The following RNLS variants were observed in gnomAD, a reference collection of about 807,000 sequenced individuals.
RNLS encodes renalase.
RNLS carries 39 observed loss-of-function variants against 39.8 expected under a neutral mutation model. The observed-to-expected ratio is 0.98, with a 90% CI of 0.76 to 1.28. The LOEUF is 1.28. Among genes scored for constraint, RNLS ranks in the 50% most tolerant of loss-of-function variants. The probability of loss-of-function intolerance (pLI) is 0.00; values close to 1 mark genes in which losing one functional copy is unlikely to be tolerated. For missense variants in RNLS, 410 were observed against 413.3 expected (o/e 0.99, Z 0.07); for synonymous variants, 147 against 150.7 (o/e 0.98, Z 0.18).
At chr10:88,173,023 A>AT in the RNLS span, among the ~76,000 whole-genome samples, 2 of 150,886 alleles carry the variant, frequency 1.3e-5, no homozygotes, top group East Asian at 1.9e-4. Context: ...CGCCCAGCCA[A>AT]TTTTTTGTAT....
intron 5 of RNLS, among the ~76,000 whole-genome samples, chr10:88,347,402 G>A (rs189081906): frequency 1.3e-5 from 2 of 152,252 alleles, no homozygotes; most frequent in East Asian, 3.9e-4. Flanking sequence ...GAAACAGCAA[G>A]CTGAGCTTTC....
At chr10:88,293,031 G>C (rs1843785375) in intron 6 of RNLS, among the ~76,000 whole-genome samples, 1 of 152,130 alleles carries the variant, frequency 6.6e-6, no homozygotes, top group Non-Finnish European at 1.5e-5. Flanking sequence ...CCTGGTGACA[G>C]AGTGAGACTC....
chr10:88,582,839 G>A (rs1056148171), intron 1 of RNLS, among the ~76,000 whole-genome samples: 1 of 152,170 alleles, frequency 6.6e-6, no homozygotes, highest in Non-Finnish European at 1.5e-5. Context: ...ACTCCTGCCG[G>A]GCCCCCACCC....
At chr10:88,308,506 A>G (rs73360762) in intron 6 of RNLS, among the ~76,000 whole-genome samples, 1,983 of 152,288 alleles carry the variant, frequency 0.013, 57 homozygotes, top group African/African-American at 0.045. Flanking sequence ...GCAGACATAC[A>G]TATGGCCAAA....
intron 4 of RNLS, among the ~76,000 whole-genome samples, chr10:88,391,124 C>T (rs1227403160): frequency 2.6e-5 from 4 of 152,112 alleles, no homozygotes; most frequent in Admixed American, 2.6e-4. Flanking sequence ...TTGTAACATC[C>T]CAATTCAAAG....
chr10:88,462,773 C>A (rs116835681), intron 4 of RNLS, among the ~76,000 whole-genome samples: 14 of 151,438 alleles, frequency 9.2e-5, no homozygotes, highest in African/African-American at 3.4e-4. Flanking sequence ...AGTTGAGGAT[C>A]AAAAACTTAT....
chr10:88,280,368 T>C (rs1448143517), downstream of RNLS, among the ~76,000 whole-genome samples: 1 of 152,188 alleles, frequency 6.6e-6, no homozygotes, highest in Non-Finnish European at 1.5e-5. Flanking sequence ...TGCAAAGTTA[T>C]AGGCTTGCCT....
At position 88,435,925 on chromosome 10, in the gene RNLS, A is replaced by G. The variant is rs1164736430; in HGVS notation, c.527-73200T>C. Among the ~76,000 whole-genome samples the G allele has an allele frequency of 2.6e-5, 4 of 152,154 alleles. No homozygotes were observed. In the East Asian group the frequency reaches 7.7e-4, roughly 29 times the overall value. ...TTATAACAATTATAATAATTATTAT[A>G]TTATCAGTAAAATGAAAGGGTATCA... is the stretch of plus-strand genomic sequence containing the variant. On this transcript the variant is annotated intron_variant, in intron 4 of 6. Transcript: ENST00000331772.
At chr10:88,282,630 C>T (rs1260636455), downstream of RNLS, among the ~76,000 whole-genome samples, 1 of 152,032 alleles carries the variant, frequency 6.6e-6, no homozygotes, top group Non-Finnish European at 1.5e-5. Flanking sequence ...GCATTTTGCA[C>T]AGAAGGCTTG....
chr10:88,372,816 GT>G (rs1850671891), intron 4 of RNLS, among the ~76,000 whole-genome samples: 1 of 152,058 alleles, frequency 6.6e-6, no homozygotes, highest in South Asian at 2.1e-4. Flanking sequence ...TGGCTTTCTT[GT>G]TTTCTTTACA....
intron 4 of RNLS, among the ~76,000 whole-genome samples, chr10:88,530,615 C>A (rs182837371): frequency 1.2e-4 from 19 of 152,180 alleles, no homozygotes; most frequent in African/African-American, 4.6e-4. Flanking sequence ...TTGTTTACAG[C>A]CAACAGCTAA....
chr10:88,326,014 G>A (rs1846577407), intron 5 of RNLS, among the ~76,000 whole-genome samples: 1 of 152,162 alleles, frequency 6.6e-6, no homozygotes, highest in Non-Finnish European at 1.5e-5. Flanking sequence ...CGCCATGATT[G>A]TAAATTCCTT....
At chr10:88,514,197 C>T (rs184456401) in intron 4 of RNLS, among the ~76,000 whole-genome samples, 1 of 151,310 alleles carries the variant, frequency 6.6e-6, no homozygotes, top group African/African-American at 2.4e-5. Flanking sequence ...ACAATCATGG[C>T]AGAAGGAGAA....
intron 4 of RNLS, among the ~76,000 whole-genome samples, chr10:88,506,552 A>C (rs932751109): frequency 2.0e-5 from 3 of 151,612 alleles, no homozygotes; most frequent in African/African-American, 7.2e-5. Flanking sequence ...AAAATTAAAA[A>C]ATAAATAAGA....
At chr10:88,409,769 T>C (rs1853543192) in intron 4 of RNLS, among the ~76,000 whole-genome samples, 1 of 152,174 alleles carries the variant, frequency 6.6e-6, no homozygotes, top group Non-Finnish European at 1.5e-5. Flanking sequence ...CTGGCAACTT[T>C]TGTTTTAAAA....
At chr10:88,539,336 G>T (rs1346695264) in intron 4 of RNLS, among the ~76,000 whole-genome samples, 5 of 151,858 alleles carry the variant, frequency 3.3e-5, no homozygotes, top group Non-Finnish European at 7.4e-5. Context: ...AAATTGGAGG[G>T]GTAGAACTAG....
intron 5 of RNLS, among the ~76,000 whole-genome samples, chr10:88,352,771 A>T (rs1383079007): frequency 6.6e-6 from 1 of 152,180 alleles, no homozygotes; most frequent in Non-Finnish European, 1.5e-5. Flanking sequence ...TTTCAGAAGG[A>T]ATGGTACCAG....
chr10:88,471,092 G>A (rs1278489904), intron 4 of RNLS, among the ~76,000 whole-genome samples: 2 of 151,962 alleles, frequency 1.3e-5, no homozygotes, highest in Non-Finnish European at 2.9e-5. Context: ...CTAAGTAAAG[G>A]TAACCTACCT....
intron 6 of RNLS, among the ~76,000 whole-genome samples, chr10:88,299,089 T>C (rs10887799): frequency 0.1 from 15,945 of 152,206 alleles, 1,046 homozygotes; most frequent in African/African-American, 0.17. Context: ...TGCCCATTTT[T>C]TAGATAATTG....
Sources: allele counts gnomAD v4.1 joint callset (sites outside exome capture counted in the v4.1 genomes callset), GRCh38; gene constraint gnomAD v4.1.1; transcripts MANE v1.5; gene names NCBI Gene and HGNC (gene_info 2026-07-23, HGNC 2026-07-21).